The following PLEKHM1 variants were observed in gnomAD, a reference collection of about 807,000 sequenced individuals.
PLEKHM1 encodes pleckstrin homology domain-containing family M member 1.
Under a neutral mutation model 94.3 loss-of-function variants are expected in PLEKHM1, and 28 were observed. The ratio of observed to expected loss-of-function variants is 0.30; its 90% CI spans 0.22 to 0.41. The LOEUF (loss-of-function observed/expected upper bound fraction) is 0.41. PLEKHM1 is among the 10% of genes least tolerant of loss of function. The pLI, the probability that PLEKHM1 is intolerant of heterozygous loss-of-function variation, is 1.00. For synonymous variants in PLEKHM1, 424 were observed against 581.2 expected, an observed-to-expected ratio of 0.73 and a Z score of 3.89; for missense variants, 907 against 1,358.6, an observed-to-expected ratio of 0.67 and a Z score of 5.22.
intron 6 of PLEKHM1, among the ~76,000 whole-genome samples, chr17:45,457,011 T>C (rs2050971591): frequency 6.6e-6 from 1 of 151,760 alleles, no homozygotes; most frequent in Non-Finnish European, 1.5e-5. Context: ...CAAAATCCTA[T>C]GTCCACTGGA....
Position 45,437,272 on chromosome 17 carries a change from C to G in PLEKHM1, c.*586G>C, listed in dbSNP as rs1388051861. 4.4e-6 allele frequency: 2 copies of G among 454,078 alleles called. No individual in the cohort carries two copies. Among genetic ancestry groups the G allele is most frequent in the Non-Finnish European group, 4.4e-6 (1 of 226,772 alleles). 28.1% of individuals were successfully genotyped at this position (454,078 alleles called of 1,614,324 possible). On this transcript the variant is annotated 3_prime_UTR_variant, in exon 12 of 12. Coordinates refer to ENST00000430334, the MANE Select transcript of PLEKHM1 (RefSeq NM_014798.3). This position sits in a 1 kb window ranked among gnomAD's most constrained non-coding sequence, Gnocchi z 4.0. ...GCGGTTTGGCACTGGCAGTGAGGGC[C>G]AAGGAAAGGCACTGGGTGGGCCCAT...
At chr17:45,486,012 C>T (rs528604545) in intron 1 of PLEKHM1, among the ~76,000 whole-genome samples, 1 of 150,214 alleles carries the variant, frequency 6.7e-6, no homozygotes, top group African/African-American at 2.4e-5. Flanking sequence ...GTCAGGAGAT[C>T]GAGACCATCC....
chr17:45,450,430 C>T (rs2050744873), intron 8 of PLEKHM1, among the ~76,000 whole-genome samples, 188 bp downstream of exon 8: 1 of 152,232 alleles, frequency 6.6e-6, no homozygotes, highest in Non-Finnish European at 1.5e-5. Context: ...AGAGCCCTGC[C>T]CAAGGCTGTG....
At chr17:45,477,305 G>A (rs1465655094) in intron 3 of PLEKHM1, 13 of 173,604 alleles carry the variant, frequency 7.5e-5, no homozygotes, top group Admixed American at 6.5e-4. Context: ...GTGATGGTGC[G>A]CGCCTGTTGT....
rs577319484 is a variant in PLEKHM1 at position 45,468,192 on chromosome 17, C to T, written c.1308+17G>A. 5.7e-5 allele frequency: 92 copies of T among 1,612,816 alleles called. No individual in the cohort carries two copies. The highest frequency in any genetic ancestry group is 2.5e-4 in the South Asian group (23 of 90,996). On this transcript the variant is annotated intron_variant, in intron 5 of 11. Coordinates refer to ENST00000430334, the MANE Select transcript of PLEKHM1 (RefSeq NM_014798.3). ...ACATTTCCCAAGACTGCCCCCTGAA[C>T]GGCTTGCACCACTCACCGGACTGGT... is the stretch of plus-strand genomic sequence containing the variant.
chr17:45,462,750 T>G (rs2051190552), intron 5 of PLEKHM1, among the ~76,000 whole-genome samples: 1 of 152,050 alleles, frequency 6.6e-6, no homozygotes, highest in Admixed American at 6.6e-5. Context: ...GTGGGTCAAG[T>G]GGACTGGAAG....
rs577637843 is a variant in PLEKHM1 at position 45,453,777 on chromosome 17, A to C, written c.2075T>G (p.Leu692Trp). 80 of 1,613,956 alleles carry C rather than the reference A, an allele frequency of 5.0e-5. No homozygotes were observed. The Admixed American group carries it at 1.3e-3, about 27-fold the overall frequency. ...PDAIKESLLY[L>W]YMDRTWMPYI... The stretch of plus-strand genomic sequence containing the variant: ...GGGCATCCAGGTCCTGTCCATGTAC[A>C]AGTACAGCAGGGACTCCTTGATGGC... The change falls in exon 7 of 12, where the codon TTG (leucine) becomes TGG (tryptophan). Residue 692 changes from leucine to tryptophan, a missense_variant. Physicochemically the swap from Leu to Trp is moderately conservative, Grantham distance 61. Transcript: ENST00000430334. This position sits in a 1 kb window ranked among gnomAD's most constrained non-coding sequence, Gnocchi z 4.1.
intron 8 of PLEKHM1, among the ~76,000 whole-genome samples, chr17:45,447,706 T>G (rs1415672801): frequency 6.6e-6 from 1 of 152,150 alleles, no homozygotes; most frequent in Non-Finnish European, 1.5e-5. Flanking sequence ...CTATCTTGAG[T>G]TTCCCTGTCT....
Position 45,458,384 on chromosome 17 carries a change from G to A in PLEKHM1, c.1364C>T (p.Pro455Leu), listed in dbSNP as rs1037801172. 1 of 1,613,912 alleles carries A rather than the reference G, an allele frequency of 6.2e-7. No homozygotes were observed. The change falls in exon 6 of 12, where the codon CCC becomes CTC. Residue 455 changes from proline to leucine, a missense_variant. Physicochemically the swap from Pro to Leu is moderately conservative, Grantham distance 98. This residue lies in a region of PLEKHM1 where 477 missense variants were observed against 601.5 expected (regional missense o/e 0.79). Transcript: ENST00000430334. ...DDFYRPSREQ[P>L]LESASDHPIA... is the part of the protein sequence containing the mutation. ...TGGGTGGTCTGAAGCACTCTCCAGG[G>A]GTTGCTCCCGGGAAGGCCGGTAGAA... is the stretch of plus-strand genomic sequence containing the variant.
At position 45,475,688 on chromosome 17, in the gene PLEKHM1, T is replaced by C; in HGVS notation, c.335A>G (p.Asn112Ser). Reference sequence around the variant, plus strand: ...TGCCCGGCAGCGGCCCACATCCGTGTTGACAAACGTCAGGTGCTCCAACTC... The same window carrying C: ...TGCCCGGCAGCGGCCCACATCCGTGCTGACAAACGTCAGGTGCTCCAACTC... ...ISELEHLTFV[N>S]TDVGRCRAWL... Residue 112 changes from asparagine (N) to serine (S), a missense_variant, in exon 4 of 12, where the codon AAC becomes AGC. Asn to Ser is a conservative substitution (Grantham distance 46). This residue lies in a region of PLEKHM1 where 176 missense variants were observed against 306.0 expected (regional missense o/e 0.58). Transcript: ENST00000430334. 1 of 1,613,072 alleles carries C rather than the reference T, an allele frequency of 6.2e-7. No homozygotes were observed. Among genetic ancestry groups the C allele is most frequent in the South Asian group, 1.1e-5 (1 of 90,956 alleles).
chr17:45,437,606 C>T lies in PLEKHM1; in HGVS notation c.*252G>A. The T allele has an allele frequency of 3.0e-6, 2 of 662,796 alleles. No individual in the cohort carries two copies. The highest frequency in any genetic ancestry group is 5.5e-6 in the Non-Finnish European group (2 of 361,528). 41.1% of individuals were successfully genotyped at this position (662,796 alleles called of 1,614,324 possible). On this transcript the variant is annotated 3_prime_UTR_variant, in exon 12 of 12. Coordinates refer to ENST00000430334, the MANE Select transcript of PLEKHM1 (RefSeq NM_014798.3). This position sits in a 1 kb window ranked among gnomAD's most constrained non-coding sequence, Gnocchi z 4.0. ...AGGGCCTGGTGAGTAAACGGCCCTGCCTGCCCCAGACAGGGAGCATCTGGT... is the reference window on the plus strand; with the variant it reads ...AGGGCCTGGTGAGTAAACGGCCCTGTCTGCCCCAGACAGGGAGCATCTGGT...
In PLEKHM1 at chr17:45,453,067, C is replaced by T. The variant is rs1405819894; in HGVS notation, c.2497+288G>A. Reference sequence around the variant, plus strand: ...TAGAGCAAGAAGAAAATGAAGCAGGCTGGGACTCCCTGAGCAGCGCAGTGA... The same window carrying T: ...TAGAGCAAGAAGAAAATGAAGCAGGTTGGGACTCCCTGAGCAGCGCAGTGA... On this transcript the variant is annotated intron_variant, in intron 7 of 11. Coordinates refer to ENST00000430334, the MANE Select transcript of PLEKHM1 (RefSeq NM_014798.3). This position sits in a 1 kb window ranked among gnomAD's most constrained non-coding sequence, Gnocchi z 4.1. 3.4e-6 allele frequency: 2 copies of T among 584,664 alleles called. No homozygotes were observed. Among genetic ancestry groups the T allele is most frequent in the Non-Finnish European group, 6.1e-6 (2 of 326,878 alleles). The allele number at this position is 584,664 out of a possible 1,614,324, so 36.2% of individuals were successfully genotyped here.
At chr17:45,471,734 G>A (rs1166592404) in intron 4 of PLEKHM1, among the ~76,000 whole-genome samples, 1 of 152,024 alleles carries the variant, frequency 6.6e-6, no homozygotes, top group Non-Finnish European at 1.5e-5. Context: ...CCAGCCTGGG[G>A]GACAGAGCGA....
At chr17:45,473,080 A>G (rs961172428) in intron 4 of PLEKHM1, among the ~76,000 whole-genome samples, 3 of 152,118 alleles carry the variant, frequency 2.0e-5, no homozygotes, top group Non-Finnish European at 2.9e-5. Context: ...GGTGGAGTGT[A>G]AATGGGCAAT....
chr17:45,451,787 G>A (rs945041463), intron 7 of PLEKHM1, among the ~76,000 whole-genome samples: 80 of 152,138 alleles, frequency 5.3e-4, no homozygotes, highest in African/African-American at 1.8e-3. Context: ...AGTTGCCCCC[G>A]CAGCATTCAC....
chr17:45,436,185 C>G lies in PLEKHM1; in HGVS notation c.*1673G>C, dbSNP rs9730. The G allele has an allele frequency of 0.13, 60,223 of 454,574 alleles. 5,087 individuals are homozygous for G. The highest frequency in any genetic ancestry group is 0.2 in the Middle Eastern group (368 of 1,812). 28.2% of individuals were successfully genotyped at this position (454,574 alleles called of 1,614,324 possible). On this transcript the variant is annotated 3_prime_UTR_variant, in exon 12 of 12. Coordinates refer to ENST00000430334, the MANE Select transcript of PLEKHM1 (RefSeq NM_014798.3). ...CCTTCGGGGAGAATCCTCACAGGCC[C>G]AAGCCCTCCCCAGGCCAGGCTCCTG...
At chr17:45,479,616 G>A (rs55643511) in intron 2 of PLEKHM1, among the ~76,000 whole-genome samples, 19,656 of 152,032 alleles carry the variant, frequency 0.13, 1,591 homozygotes, top group Middle Eastern at 0.21. Flanking sequence ...AACCCAGGAG[G>A]CAGAGGTTGT....
rs989663272 is a variant in PLEKHM1, at chr17:45,436,301, C to G, written c.*1557G>C. ...GCCATGGCGGTGCATAACCCAGCTC[C>G]TGGCTTAGGAGGCATTGGCGTCTGG... On this transcript the variant is annotated 3_prime_UTR_variant, in exon 12 of 12. Transcript: ENST00000430334. 1 of 454,086 alleles carries G rather than the reference C, an allele frequency of 2.2e-6. No individual in the cohort carries two copies. The highest frequency in any genetic ancestry group is 2.0e-5 in the African/African-American group (1 of 50,028). The allele number at this position is 454,086 out of a possible 1,614,324, so 28.1% of individuals were successfully genotyped here. A position where few individuals can be genotyped will look rare whatever the true frequency, so the allele number is the denominator to read the frequency against.
At chr17:45,489,564 A>G (rs572758425) in intron 1 of PLEKHM1, among the ~76,000 whole-genome samples, 8 of 152,170 alleles carry the variant, frequency 5.3e-5, no homozygotes, top group Non-Finnish European at 1.0e-4. Context: ...TATGAATGCC[A>G]AAAACACAAT....
Sources: allele counts gnomAD v4.1 joint callset (sites outside exome capture counted in the v4.1 genomes callset), GRCh38; gene constraint gnomAD v4.1.1; regional missense constraint gnomAD v4.1.1; non-coding constraint Gnocchi (gnomAD v3.1); transcripts MANE v1.5; gene names NCBI Gene and HGNC (gene_info 2026-07-23, HGNC 2026-07-21).